The following THSD7B variants were observed in gnomAD, a reference collection of about 807,000 sequenced individuals.
The protein encoded by THSD7B is thrombospondin type-1 domain-containing protein 7B.
THSD7B carries 138 observed loss-of-function variants against 213.6 expected under a neutral mutation model. The observed-to-expected ratio is 0.65, with a 90% CI of 0.56 to 0.74. THSD7B has a LOEUF of 0.74. Ranked by LOEUF, THSD7B falls within the 30% of genes least tolerant of loss-of-function variation. The probability of loss-of-function intolerance (pLI) is 0.00; values close to 1 mark genes in which losing one functional copy is unlikely to be tolerated. For synonymous variants in THSD7B, 742 were observed against 687.0 expected (o/e 1.08, Z -1.25); for missense variants, 1,931 against 1,991.5 (o/e 0.97, Z 0.58).
At chr2:137,264,626 T>G (rs1682536701) in intron 10 of THSD7B, among the ~76,000 whole-genome samples, 1 of 152,108 alleles carries the variant, frequency 6.6e-6, no homozygotes, top group Non-Finnish European at 1.5e-5. Flanking sequence ...TGCTCCTTTT[T>G]GAATAAATGC....
chr2:137,026,888 C>T (rs1369911178), intron 2 of THSD7B, among the ~76,000 whole-genome samples: 1 of 152,090 alleles, frequency 6.6e-6, no homozygotes, highest in African/African-American at 2.4e-5. Flanking sequence ...CAATTTTCCC[C>T]TGAGGTTTTC....
chr2:137,165,236 A>C (rs1447064949), intron 6 of THSD7B, among the ~76,000 whole-genome samples: 1 of 152,160 alleles, frequency 6.6e-6, no homozygotes, highest in Non-Finnish European at 1.5e-5. Context: ...AGGGATGGTA[A>C]GCCCTGATGA....
chr2:137,151,407 A>G (rs1416215940), intron 5 of THSD7B, among the ~76,000 whole-genome samples: 1 of 152,064 alleles, frequency 6.6e-6, no homozygotes, highest in African/African-American at 2.4e-5. Flanking sequence ...AGGATCATCA[A>G]TATCACTGTC....
At chr2:137,178,873 G>C (rs966733847) in intron 7 of THSD7B, among the ~76,000 whole-genome samples, 10 of 152,082 alleles carry the variant, frequency 6.6e-5, no homozygotes, top group Non-Finnish European at 7.4e-5. Context: ...TTTAGAAAGG[G>C]GCCTAAATAA....
intron 13 of THSD7B, among the ~76,000 whole-genome samples, chr2:137,409,733 T>C (rs1250412431): frequency 1.3e-5 from 2 of 151,986 alleles, no homozygotes; most frequent in African/African-American, 4.8e-5. Flanking sequence ...AAATAATATA[T>C]GGCAAGAGAG....
At chr2:137,551,603 T>C (rs1270009741) in intron 15 of THSD7B, among the ~76,000 whole-genome samples, 4 of 152,286 alleles carry the variant, frequency 2.6e-5, no homozygotes, top group South Asian at 2.1e-4. Flanking sequence ...AAACTTCCCA[T>C]TGGCTTTAAA....
At chr2:137,455,825 G>A (rs1018465638) in intron 15 of THSD7B, among the ~76,000 whole-genome samples, 1 of 152,138 alleles carries the variant, frequency 6.6e-6, no homozygotes, top group Non-Finnish European at 1.5e-5. Context: ...CACTTGCACT[G>A]TACATTTTTT....
rs1682237657 is a variant in THSD7B at position 137,253,624 on chromosome 2, A to C, written c.2266+11052A>C. Among the ~76,000 whole-genome samples the C allele has an allele frequency of 2.0e-5, 3 of 152,196 alleles. No homozygotes were observed. In the South Asian group the frequency reaches 6.2e-4, roughly 32 times the overall value. The stretch of plus-strand genomic sequence containing the variant: ...ATGATTCTTATTTGTCGATAGAGGT[A>C]AATGAGTTGTTTTATAGAAACCAAG... On this transcript the variant is annotated intron_variant, in intron 10 of 27. Transcript: ENST00000409968.
chr2:137,215,822 A>G (rs554934326), intron 7 of THSD7B, among the ~76,000 whole-genome samples: 2 of 152,294 alleles, frequency 1.3e-5, no homozygotes, highest in Non-Finnish European at 2.9e-5. Context: ...AAGATACTGA[A>G]AGCAATTCAT....
intron 15 of THSD7B, among the ~76,000 whole-genome samples, chr2:137,539,752 C>A (rs2105190551): frequency 6.6e-6 from 1 of 151,672 alleles, no homozygotes; most frequent in East Asian, 2.0e-4. Flanking sequence ...AGGCTGTATA[C>A]CATGCTGCAT....
At chr2:137,552,632 C>T (rs1325984321) in intron 15 of THSD7B, among the ~76,000 whole-genome samples, 1 of 152,132 alleles carries the variant, frequency 6.6e-6, no homozygotes, top group Non-Finnish European at 1.5e-5. Context: ...CATATTTGTA[C>T]AGCTTGTGGG....
chr2:137,257,365 A>C (rs1682335475), intron 10 of THSD7B, among the ~76,000 whole-genome samples: 1 of 152,210 alleles, frequency 6.6e-6, no homozygotes, highest in South Asian at 2.1e-4. Context: ...GATTTAATAG[A>C]AACAGTAGTA....
intron 15 of THSD7B, among the ~76,000 whole-genome samples, chr2:137,517,721 C>A (rs1680097251): frequency 6.6e-6 from 1 of 152,158 alleles, no homozygotes; most frequent in Admixed American, 6.5e-5. Flanking sequence ...CTCAGCATAT[C>A]CAATGGTGCT....
chr2:137,144,767 G>A (rs1403612811), intron 5 of THSD7B, among the ~76,000 whole-genome samples: 2 of 151,994 alleles, frequency 1.3e-5, no homozygotes, highest in African/African-American at 4.8e-5. Flanking sequence ...CATCATCATT[G>A]CAGAATAAAA....
At chr2:137,199,404 C>G (rs1300710880) in intron 7 of THSD7B, among the ~76,000 whole-genome samples, 1 of 152,132 alleles carries the variant, frequency 6.6e-6, no homozygotes, top group Admixed American at 6.6e-5. Flanking sequence ...CCTCTTCCCT[C>G]TAGTCCCAGT....
intron 2 of THSD7B, among the ~76,000 whole-genome samples, chr2:137,006,164 C>T (rs1292779195): frequency 6.6e-6 from 1 of 151,992 alleles, no homozygotes; most frequent in Non-Finnish European, 1.5e-5. Flanking sequence ...GAGGCCGAGG[C>T]GGGCAGATCA....
chr2:137,581,086 A>G (rs1279002245), intron 17 of THSD7B, among the ~76,000 whole-genome samples: 1 of 152,152 alleles, frequency 6.6e-6, no homozygotes, highest in African/African-American at 2.4e-5. Context: ...CTCATTGTGT[A>G]TTATCTTTAA....
chr2:136,801,635 C>T (rs556144945), intron 1 of THSD7B, among the ~76,000 whole-genome samples: 25 of 151,982 alleles, frequency 1.6e-4, no homozygotes, highest in African/African-American at 4.1e-4. Context: ...AGAAAAATGG[C>T]GGTGGAGCAA....
chr2:137,128,662 G>C (rs6753352), intron 5 of THSD7B, among the ~76,000 whole-genome samples: 3,650 of 152,234 alleles, frequency 0.024, 154 homozygotes, highest in African/African-American at 0.082. Flanking sequence ...CAGGCCTAGG[G>C]CCCGTGCCTT....
Sources: allele counts gnomAD v4.1 joint callset (sites outside exome capture counted in the v4.1 genomes callset), GRCh38; gene constraint gnomAD v4.1.1; transcripts MANE v1.5; gene names NCBI Gene and HGNC (gene_info 2026-07-23, HGNC 2026-07-21).